Variants in MEGF11 observed in about 807,000 individuals in gnomAD.
MEGF11 encodes multiple epidermal growth factor-like domains protein 11.
A neutral mutation model predicts 146.6 loss-of-function variants in MEGF11; 126 were observed. The ratio of observed to expected loss-of-function variants is 0.86; its 90% CI spans 0.74 to 1.00. MEGF11 has a LOEUF of 1.00. Among genes scored for constraint, MEGF11 ranks in the 50% least tolerant of loss-of-function variants. The pLI is 0.00. For synonymous variants in MEGF11, 532 were observed against 583.4 expected (o/e 0.91, Z 1.27); for missense variants, 1,509 against 1,521.2 (o/e 0.99, Z 0.13).
At chr15:66,001,716 G>T (rs2082372166) in intron 5 of MEGF11, among the ~76,000 whole-genome samples, 1 of 152,166 alleles carries the variant, frequency 6.6e-6, no homozygotes, top group South Asian at 2.1e-4. Flanking sequence ...GGCTGTCCCA[G>T]ACTGACATGC....
intron 5 of MEGF11, among the ~76,000 whole-genome samples, chr15:66,034,295 T>G (rs2083642643): frequency 6.6e-6 from 1 of 152,234 alleles, no homozygotes; most frequent in Non-Finnish European, 1.5e-5. Flanking sequence ...TTTGGACTTC[T>G]GAGTTGGTGT....
At chr15:66,077,380 A>G (rs944781666) in intron 5 of MEGF11, among the ~76,000 whole-genome samples, 2 of 152,182 alleles carry the variant, frequency 1.3e-5, no homozygotes, top group African/African-American at 2.4e-5. Context: ...TGAAGGACCA[A>G]TTTGACTCCT....
intron 1 of MEGF11, among the ~76,000 whole-genome samples, chr15:66,189,314 G>A (rs1360529846): frequency 6.6e-6 from 1 of 152,144 alleles, no homozygotes; most frequent in African/African-American, 2.4e-5. Context: ...GCTGAGGGGA[G>A]GGGGACAGAT....
At chr15:66,211,427 G>T (rs1366774190) in intron 1 of MEGF11, among the ~76,000 whole-genome samples, 1 of 151,642 alleles carries the variant, frequency 6.6e-6, no homozygotes, top group Non-Finnish European at 1.5e-5. Context: ...AGGAGGCTGA[G>T]GCAGGAAAAT....
intron 5 of MEGF11, among the ~76,000 whole-genome samples, chr15:66,083,090 A>T (rs1783373788): frequency 6.6e-6 from 1 of 152,114 alleles, no homozygotes; most frequent in Non-Finnish European, 1.5e-5. Flanking sequence ...ACACTCCCTG[A>T]TGTACTTTCC....
intron 1 of MEGF11, among the ~76,000 whole-genome samples, chr15:66,248,454 G>GC (rs753676726): frequency 1.3e-5 from 2 of 152,158 alleles, no homozygotes; most frequent in African/African-American, 4.8e-5. Flanking sequence ...TAAAGTCCTG[G>GC]CCCCTGCCCT....
intron 21 of MEGF11, among the ~76,000 whole-genome samples, chr15:65,910,774 C>G (rs2078776858): frequency 6.6e-6 from 1 of 152,126 alleles, no homozygotes; most frequent in Non-Finnish European, 1.5e-5. Flanking sequence ...GAAAGGACTC[C>G]TAGATCTCTA....
At chr15:66,104,061 T>C (rs1382675640) in intron 4 of MEGF11, among the ~76,000 whole-genome samples, 1 of 152,216 alleles carries the variant, frequency 6.6e-6, no homozygotes, top group Admixed American at 6.5e-5. Flanking sequence ...AAAGTCACTG[T>C]AAGGATAAAA....
intron 1 of MEGF11, among the ~76,000 whole-genome samples, chr15:66,199,121 G>A (rs2091085936): frequency 6.6e-6 from 1 of 151,960 alleles, no homozygotes; most frequent in African/African-American, 2.4e-5. Flanking sequence ...AAAGGGGTCT[G>A]TGGCATGCAA....
intron 1 of MEGF11, among the ~76,000 whole-genome samples, chr15:66,156,281 C>T (rs1292126923): frequency 2.0e-5 from 3 of 152,176 alleles, no homozygotes; most frequent in African/African-American, 7.2e-5. Context: ...GTTCTGATAG[C>T]TCCCACCACC....
chr15:66,054,744 G>A (rs2084610839), intron 5 of MEGF11, among the ~76,000 whole-genome samples: 1 of 152,146 alleles, frequency 6.6e-6, no homozygotes, highest in South Asian at 2.1e-4. Context: ...TCATTGAGAG[G>A]TGCTCTTAAA....
At chr15:66,189,496 G>A (rs1363364531) in intron 1 of MEGF11, among the ~76,000 whole-genome samples, 1 of 152,182 alleles carries the variant, frequency 6.6e-6, no homozygotes, top group South Asian at 2.1e-4. Context: ...TCACACAGGT[G>A]ATAAGCAGTA....
chr15:65,956,451 A>G (rs2080642581), intron 10 of MEGF11, among the ~76,000 whole-genome samples: 2 of 152,204 alleles, frequency 1.3e-5, no homozygotes, highest in South Asian at 2.1e-4. Flanking sequence ...CAGGTGTTCT[A>G]TTTCACGGGT....
Position 65,926,258 on chromosome 15 carries a change from C to T in MEGF11, c.1675+2167G>A, listed in dbSNP as rs189612378. On this transcript the variant is annotated intron_variant, in intron 13 of 25. Transcript: ENST00000395614. ...AATCCTGAGTCTTTCATCCTATTGG[C>T]CCTAATGTCCTGAGACCCCAGACAA... is the stretch of plus-strand genomic sequence containing the variant. 3.3e-5 allele frequency among the ~76,000 whole-genome samples: 5 copies of T among 152,298 alleles called. No homozygotes were observed. In the East Asian group the frequency reaches 9.6e-4, roughly 29 times the overall value.
chr15:66,133,679 G>C (rs115597347), intron 1 of MEGF11, among the ~76,000 whole-genome samples: 1 of 152,084 alleles, frequency 6.6e-6, no homozygotes, highest in Non-Finnish European at 1.5e-5. Flanking sequence ...ATCAGCCCTC[G>C]TAATTAAGAA....
At chr15:66,253,307 C>T (rs1375969652) in intron 1 of MEGF11, among the ~76,000 whole-genome samples, 4 of 152,190 alleles carry the variant, frequency 2.6e-5, no homozygotes, top group Non-Finnish European at 5.9e-5. Context: ...GTGGAGGCGC[C>T]GCGGACGCTG....
chr15:66,061,173 G>A (rs997287731), intron 5 of MEGF11, among the ~76,000 whole-genome samples: 2 of 152,206 alleles, frequency 1.3e-5, no homozygotes, highest in Admixed American at 6.5e-5. Context: ...AAAACCTGGG[G>A]ACCTTTTGGA....
chr15:65,915,593 C>T lies in MEGF11; in HGVS notation c.2350G>A (p.Ala784Thr). The change falls in exon 19 of 26, where the codon GCC becomes ACC. Residue 784 changes from alanine (A) to threonine (T), a missense_variant. Transcript: ENST00000395614. The part of the protein sequence containing the change: ...FTGQHCEQRC[A>T]PGTFGYGCQQ... ...CACCCATAGCCAAAGGTTCCTGGGG[C>T]ACATCCTGTGTGGCACAAAGAGTTA... is the stretch of plus-strand genomic sequence containing the variant. 6.2e-7 allele frequency: 1 copy of T among 1,613,816 alleles called. No individual in the cohort carries two copies. Among genetic ancestry groups the T allele is most frequent in the South Asian group, 1.1e-5 (1 of 91,056 alleles).
At chr15:66,026,170 C>G (rs2083324624) in intron 5 of MEGF11, among the ~76,000 whole-genome samples, 2 of 152,246 alleles carry the variant, frequency 1.3e-5, no homozygotes, top group Non-Finnish European at 2.9e-5. Context: ...CATGCAGAAG[C>G]TATCTAGAGA....
Sources: allele counts gnomAD v4.1 joint callset (sites outside exome capture counted in the v4.1 genomes callset), GRCh38; gene constraint gnomAD v4.1.1; transcripts MANE v1.5; gene names NCBI Gene and HGNC (gene_info 2026-07-23, HGNC 2026-07-21).